Variants in RGS6 observed in about 807,000 individuals in gnomAD.
RGS6 encodes the protein regulator of G-protein signaling 6.
Under a neutral mutation model 78.5 loss-of-function variants are expected in RGS6, and 30 were observed. The observed-to-expected ratio is 0.38, with a 90% CI of 0.29 to 0.52. RGS6 has a LOEUF of 0.52. RGS6 is among the 20% of genes least tolerant of loss of function. The pLI, the probability that RGS6 is intolerant of heterozygous loss-of-function variation, is 0.85. For missense variants in RGS6, 495 were observed against 609.7 expected (o/e 0.81, Z 1.98); for synonymous variants, 206 against 206.0 (o/e 1.00, Z 0.00).
chr14:72,541,740 G>A (rs2097330485), intron 17 of RGS6: 2 of 1,066,362 alleles, frequency 1.9e-6, no homozygotes, highest in Non-Finnish European at 1.3e-6. Flanking sequence ...AGCCTTGACA[G>A]CCCCCGGAAG....
chr14:71,902,583 G>C, the RGS6 span, among the ~76,000 whole-genome samples: 1 of 152,068 alleles, frequency 6.6e-6, no homozygotes, highest in East Asian at 1.9e-4. Context: ...AAGATTCATA[G>C]AGAAAAAATT....
intron 17 of RGS6, among the ~76,000 whole-genome samples, chr14:72,561,017 G>T (rs1041266382): frequency 2.0e-5 from 3 of 151,658 alleles, no homozygotes; most frequent in Admixed American, 1.3e-4. Context: ...TCAAAGTCAG[G>T]CTGGCCATGC....
At chr14:71,967,346 C>A (rs954325910) in intron 2 of RGS6, among the ~76,000 whole-genome samples, 4 of 152,082 alleles carry the variant, frequency 2.6e-5, no homozygotes, top group Non-Finnish European at 5.9e-5. Flanking sequence ...ACCTGACTGA[C>A]TTAAACCATG....
At chr14:71,930,070 C>A (rs1040473815), upstream of RGS6, among the ~76,000 whole-genome samples, 1 of 152,220 alleles carries the variant, frequency 6.6e-6, no homozygotes, top group Non-Finnish European at 1.5e-5. Flanking sequence ...TAGGTGTGTT[C>A]ATTGCTACTG....
the RGS6 span, among the ~76,000 whole-genome samples, chr14:72,624,247 G>A: frequency 1.5e-4 from 23 of 150,938 alleles, no homozygotes; most frequent in East Asian, 3.9e-4. Context: ...GCAGAATTAC[G>A]AAAATCAGAA....
At chr14:72,146,167 C>G (rs1271558555) in intron 2 of RGS6, among the ~76,000 whole-genome samples, 1 of 152,054 alleles carries the variant, frequency 6.6e-6, no homozygotes, top group African/African-American at 2.4e-5. Context: ...TTATAACAAG[C>G]CCAGTCTTAT....
At chr14:72,484,018 T>C (rs1013746692) in intron 12 of RGS6, among the ~76,000 whole-genome samples, 2 of 152,200 alleles carry the variant, frequency 1.3e-5, no homozygotes, top group Admixed American at 6.5e-5. Flanking sequence ...TCAAACTTTC[T>C]TCTTTCCTCT....
intron 2 of RGS6, among the ~76,000 whole-genome samples, chr14:72,097,061 A>G (rs2095423938): frequency 6.6e-6 from 1 of 152,226 alleles, no homozygotes; most frequent in African/African-American, 2.4e-5. Flanking sequence ...TTTTCATGCC[A>G]TTGGAAACTT....
intron 3 of RGS6, among the ~76,000 whole-genome samples, chr14:72,410,885 G>A (rs1290177419): frequency 6.6e-6 from 1 of 152,112 alleles, no homozygotes; most frequent in Non-Finnish European, 1.5e-5. Flanking sequence ...TTGTAGATAT[G>A]CAGCATTATT....
At chr14:71,938,125 ACTC>A (rs2089858912) in intron 1 of RGS6, among the ~76,000 whole-genome samples, 3 of 151,476 alleles carry the variant, frequency 2.0e-5, no homozygotes, top group South Asian at 2.1e-4. Flanking sequence ...TGATTATTAA[ACTC>A]CTCCTCTGCT....
intron 2 of RGS6, among the ~76,000 whole-genome samples, chr14:72,192,980 G>GTTTTTTTTTTTTT (rs35795281): frequency 1.4e-5 from 2 of 140,178 alleles, no homozygotes; most frequent in Non-Finnish European, 1.6e-5. Flanking sequence ...GCTGGGTTGG[G>GTTTTTTTTTTTTT]TTTTTTTTTT....
At chr14:72,332,306 C>A (rs1014468913) in intron 2 of RGS6, among the ~76,000 whole-genome samples, 4 of 152,198 alleles carry the variant, frequency 2.6e-5, no homozygotes, top group Non-Finnish European at 5.9e-5. Context: ...ATCTTCCAGG[C>A]CAGGCGGTAG....
chr14:72,299,713 G>T (rs2065647940), intron 2 of RGS6, among the ~76,000 whole-genome samples: 1 of 152,158 alleles, frequency 6.6e-6, no homozygotes. Context: ...CTTTGGATTT[G>T]CATTTCCCTG....
chr14:72,239,620 T>G (rs1007107079), intron 2 of RGS6, among the ~76,000 whole-genome samples: 1 of 152,116 alleles, frequency 6.6e-6, no homozygotes, highest in African/African-American at 2.4e-5. Context: ...AGTAATCTGA[T>G]AGCAGGATCA....
At chr14:72,588,033 C>T in the RGS6 span, among the ~76,000 whole-genome samples, 5 of 152,302 alleles carry the variant, frequency 3.3e-5, no homozygotes, top group Admixed American at 6.5e-5. Context: ...CAGAAAGAGG[C>T]AGCCCTTTTG....
At chr14:72,540,366 G>T in intron 17 of RGS6, 2 of 1,456,280 alleles carry the variant, frequency 1.4e-6, no homozygotes, top group Non-Finnish European at 1.8e-6. Flanking sequence ...ATCTGTTCAG[G>T]GCTTTGAGGA....
rs914642553 is a variant in RGS6 at position 71,978,941 on chromosome 14, T to G, written c.84+14066T>G. 7.3e-3 allele frequency among the ~76,000 whole-genome samples: 1,071 copies of G among 145,902 alleles called. 15 individuals are homozygous for G. Among genetic ancestry groups the G allele is most frequent in the African/African-American group, 0.025 (1,012 of 39,834 alleles). On this transcript the variant is annotated intron_variant, in intron 2 of 17. Transcript: ENST00000553525. ...TATTGATTATTGCCACAATTTCAGA[T>G]CCTGTTATTGGTCTATTCAGAGATT...
At chr14:72,160,213 A>G (rs182502520) in intron 2 of RGS6, among the ~76,000 whole-genome samples, 19 of 152,350 alleles carry the variant, frequency 1.2e-4, no homozygotes, top group Admixed American at 1.2e-3. Flanking sequence ...GTCTTAAAAC[A>G]CATTGAATTC....
At chr14:71,884,340 A>T in the RGS6 span, among the ~76,000 whole-genome samples, 1 of 152,236 alleles carries the variant, frequency 6.6e-6, no homozygotes, top group South Asian at 2.1e-4. Context: ...CCTTACACGA[A>T]GAGGTAAAGA....
Sources: gnomAD v4.1 joint callset for allele counts (sites outside exome capture counted in the v4.1 genomes callset) on GRCh38, gnomAD v4.1.1 for gene constraint, MANE v1.5 for transcripts, NCBI Gene and HGNC (gene_info 2026-07-23, HGNC 2026-07-21) for gene names.